Variants in C1orf21 observed in about 807,000 individuals in gnomAD.
The protein encoded by C1orf21 is chromosome 1 open reading frame 21.
C1orf21 carries 3 observed loss-of-function variants against 18.7 expected under a neutral mutation model. The ratio of observed to expected loss-of-function variants is 0.16; its 90% confidence interval spans 0.07 to 0.42. The LOEUF is 0.42. C1orf21 is among the 10% of genes least tolerant of loss of function. C1orf21 has a pLI of 0.99. For missense variants in C1orf21, 104 were observed against 143.6 expected (o/e 0.72, Z 1.41); for synonymous variants, 41 against 46.4 (o/e 0.88, Z 0.47).
chr1:184,560,311 C>T (rs1658944091), intron 3 of C1orf21, among the ~76,000 whole-genome samples: 1 of 152,104 alleles, frequency 6.6e-6, no homozygotes, highest in African/African-American at 2.4e-5. Flanking sequence ...GAGAGTAATT[C>T]AGGTTTGGAA....
chr1:184,435,452 T>C (rs1656842757), intron 1 of C1orf21, among the ~76,000 whole-genome samples: 1 of 152,212 alleles, frequency 6.6e-6, no homozygotes, highest in African/African-American at 2.4e-5. Flanking sequence ...CAAGCAATTC[T>C]CCTGCCTCAG....
At position 184,595,652 on chromosome 1, in the gene C1orf21, G is replaced by A. The variant is rs188349241; in HGVS notation, c.267-2749G>A. Among the ~76,000 whole-genome samples the A allele has an allele frequency of 4.2e-3, 637 of 152,234 alleles. 3 individuals carry two copies. The highest frequency in any genetic ancestry group is 4.7e-3 in the Non-Finnish European group (319 of 68,012). ...ACAGCAGAGTAGGCCTCATGCTTTCGGATGACACCATATCTGAGACGATGC... is the reference window on the plus strand; with the variant it reads ...ACAGCAGAGTAGGCCTCATGCTTTCAGATGACACCATATCTGAGACGATGC... On this transcript the variant is annotated intron_variant, in intron 4 of 5. Coordinates refer to ENST00000235307, the MANE Select transcript of C1orf21 (RefSeq NM_030806.4).
intron 5 of C1orf21, among the ~76,000 whole-genome samples, chr1:184,608,069 G>A (rs143114534): frequency 1.3e-4 from 20 of 152,138 alleles, no homozygotes; most frequent in South Asian, 2.1e-4. Flanking sequence ...CATACAAACC[G>A]ACCAAACCCA....
At chr1:184,600,252 T>C (rs2102003234) in intron 5 of C1orf21, among the ~76,000 whole-genome samples, 1 of 152,178 alleles carries the variant, frequency 6.6e-6, no homozygotes, top group South Asian at 2.1e-4. Flanking sequence ...CTCTGGCCTC[T>C]GCCTCCCAGG....
chr1:184,389,114 C>T (rs558100951), intron 1 of C1orf21, among the ~76,000 whole-genome samples: 1 of 152,258 alleles, frequency 6.6e-6, no homozygotes, highest in African/African-American at 2.4e-5. Flanking sequence ...TCACAGATCA[C>T]AAATGCAGCG....
At chr1:184,437,408 C>T (rs1019649481) in intron 1 of C1orf21, among the ~76,000 whole-genome samples, 4 of 151,736 alleles carry the variant, frequency 2.6e-5, no homozygotes, top group South Asian at 2.1e-4. Context: ...CTTCCCTTGG[C>T]GCTTTGTTTT....
intron 1 of C1orf21, among the ~76,000 whole-genome samples, chr1:184,438,119 T>C (rs1381408146): frequency 6.6e-6 from 1 of 152,122 alleles, no homozygotes; most frequent in African/African-American, 2.4e-5. Context: ...CAGGGTCCCC[T>C]GATTTAATGG....
At chr1:184,431,199 C>T (rs12120928) in intron 1 of C1orf21, among the ~76,000 whole-genome samples, 15,224 of 152,102 alleles carry the variant, frequency 0.1, 1,009 homozygotes, top group African/African-American at 0.18. Flanking sequence ...GAAGGCATCA[C>T]GCTACCTAAT....
intron 1 of C1orf21, among the ~76,000 whole-genome samples, chr1:184,425,747 A>G (rs1571352060): frequency 6.6e-6 from 1 of 152,292 alleles, no homozygotes; most frequent in Non-Finnish European, 1.5e-5. Context: ...GCCAATTTTG[A>G]AAAACCTTTC....
At chr1:184,534,873 G>T (rs1006333923) in intron 3 of C1orf21, among the ~76,000 whole-genome samples, 1 of 152,038 alleles carries the variant, frequency 6.6e-6, no homozygotes, top group Non-Finnish European at 1.5e-5. Context: ...AGATTGGGGC[G>T]GGTGACAGCC....
At chr1:184,552,286 A>G (rs1658823751) in intron 3 of C1orf21, among the ~76,000 whole-genome samples, 1 of 152,224 alleles carries the variant, frequency 6.6e-6, no homozygotes, top group Non-Finnish European at 1.5e-5. Flanking sequence ...CCTGTATGGA[A>G]GGAAGGTAGA....
chr1:184,541,290 C>T (rs370540158), intron 3 of C1orf21, among the ~76,000 whole-genome samples: 1 of 152,170 alleles, frequency 6.6e-6, no homozygotes, highest in South Asian at 2.1e-4. Flanking sequence ...TTATTTTCCC[C>T]CTCAGGACCC....
intron 3 of C1orf21, among the ~76,000 whole-genome samples, chr1:184,555,459 G>A (rs932296797): frequency 5.3e-5 from 8 of 152,094 alleles, no homozygotes; most frequent in Non-Finnish European, 1.2e-4. Context: ...TTCTGTCATG[G>A]AAGGATCTTC....
At chr1:184,464,485 C>A (rs924743848) in intron 1 of C1orf21, among the ~76,000 whole-genome samples, 1 of 152,218 alleles carries the variant, frequency 6.6e-6, no homozygotes, top group Admixed American at 6.5e-5. Flanking sequence ...AAAAGACAGT[C>A]CCCTGCTCAC....
intron 2 of C1orf21, among the ~76,000 whole-genome samples, chr1:184,481,331 A>G (rs1470661022): frequency 6.6e-6 from 1 of 152,152 alleles, no homozygotes; most frequent in Non-Finnish European, 1.5e-5. Context: ...TCCAGGGACC[A>G]GCAAGCTAGT....
At chr1:184,578,149 G>C (rs934304472) in intron 3 of C1orf21, among the ~76,000 whole-genome samples, 10 of 151,614 alleles carry the variant, frequency 6.6e-5, no homozygotes, top group African/African-American at 1.7e-4. Context: ...GTAGAGGTAG[G>C]GTTTCACTGC....
chr1:184,467,987 GGTGT>G (rs71782493), intron 1 of C1orf21, among the ~76,000 whole-genome samples: 5 of 149,004 alleles, frequency 3.4e-5, no homozygotes, highest in South Asian at 2.2e-4. Context: ...GAGCTTTTAT[GGTGT>G]GTGTGTGTGT....
At chr1:184,585,912 A>G (rs1659345684) in intron 3 of C1orf21, among the ~76,000 whole-genome samples, 1 of 152,288 alleles carries the variant, frequency 6.6e-6, no homozygotes, top group East Asian at 1.9e-4. Context: ...TATTGTGAGT[A>G]GTTCTGCAAT....
chr1:184,489,960 T>C lies in C1orf21; in HGVS notation c.94+12357T>C, dbSNP rs527985054. ...ATTTATCATTCACTACAACTGTTTA[T>C]TTTGATAAATATAATTCAAATGTTT... On this transcript the variant is annotated intron_variant, in intron 2 of 5. Transcript: ENST00000235307. 2.6e-5 allele frequency among the ~76,000 whole-genome samples: 4 copies of C among 152,366 alleles called. No individual in the cohort carries two copies. The South Asian group carries it at 6.2e-4, about 24-fold the overall frequency.
Sources: allele counts gnomAD v4.1 joint callset (sites outside exome capture counted in the v4.1 genomes callset), GRCh38; gene constraint gnomAD v4.1.1; transcripts MANE v1.5; gene names NCBI Gene and HGNC (gene_info 2026-07-23, HGNC 2026-07-21).